PSTPIP2: variants seen among roughly 807,000 people sequenced by gnomAD.
PSTPIP2 encodes proline-serine-threonine phosphatase-interacting protein 2.
PSTPIP2 carries 33 observed loss-of-function variants against 63.3 expected under a neutral mutation model. The ratio of observed to expected loss-of-function variants is 0.52; its 90% CI spans 0.40 to 0.70. The LOEUF (loss-of-function observed/expected upper bound fraction) is 0.70, where lower values mean the gene tolerates loss of function less well. PSTPIP2 is among the 30% of genes least tolerant of loss of function. The pLI is 0.00. For synonymous variants in PSTPIP2, 125 were observed against 132.7 expected (o/e 0.94, Z 0.40); for missense variants, 312 against 400.7 (o/e 0.78, Z 1.89).
chr18:46,033,354 A>C (rs1907848976), intron 2 of PSTPIP2, among the ~76,000 whole-genome samples: 1 of 152,218 alleles, frequency 6.6e-6, no homozygotes, highest in Non-Finnish European at 1.5e-5. Flanking sequence ...AGATAAGGTC[A>C]TACTGGAGTA....
chr18:45,999,371 A>G, intron 7 of PSTPIP2, 65 bp downstream of exon 7: 1 of 1,429,352 alleles, frequency 7.0e-7, no homozygotes, highest in South Asian at 1.2e-5. Context: ...ATGAAGATTC[A>G]TAATTGGCTT....
intron 2 of PSTPIP2, among the ~76,000 whole-genome samples, chr18:46,027,889 G>A (rs180741661): frequency 2.0e-5 from 3 of 152,054 alleles, no homozygotes; most frequent in Admixed American, 6.5e-5. Flanking sequence ...GGCCGGGCAC[G>A]GTGGCTCACG....
intron 1 of PSTPIP2, among the ~76,000 whole-genome samples, chr18:46,063,177 A>T (rs1387043017): frequency 4.0e-5 from 6 of 151,780 alleles, no homozygotes; most frequent in South Asian, 2.1e-4. Flanking sequence ...TAATTTTAAA[A>T]TTTTTTTTGT....
chr18:46,050,345 G>A (rs370635156), intron 1 of PSTPIP2, among the ~76,000 whole-genome samples: 8 of 152,138 alleles, frequency 5.3e-5, no homozygotes, highest in Non-Finnish European at 8.8e-5. Context: ...CAAGGTGGGC[G>A]GTTCACTTGA....
intron 1 of PSTPIP2, among the ~76,000 whole-genome samples, chr18:46,054,285 T>C (rs566778388): frequency 1.3e-5 from 2 of 152,280 alleles, no homozygotes; most frequent in East Asian, 3.9e-4. Flanking sequence ...TGTCTACATA[T>C]GACATTCTAG....
At chr18:45,987,118 C>G (rs924208782) in intron 14 of PSTPIP2, among the ~76,000 whole-genome samples, 1 of 152,180 alleles carries the variant, frequency 6.6e-6, no homozygotes, top group Admixed American at 6.5e-5. Flanking sequence ...GGATTACAGG[C>G]GTGAGCCACT....
intron 7 of PSTPIP2, among the ~76,000 whole-genome samples, 160 bp downstream of exon 7, chr18:45,999,276 T>A (rs890839612): frequency 6.6e-6 from 1 of 152,120 alleles, no homozygotes; most frequent in East Asian, 1.9e-4. Context: ...CCCCCAAATA[T>A]GTGGCAGTGG....
At chr18:46,065,144 C>CAAAAA (rs35144990) in intron 1 of PSTPIP2, among the ~76,000 whole-genome samples, 510 of 79,364 alleles carry the variant, frequency 6.4e-3, no homozygotes, top group East Asian at 0.017. Context: ...AACTCTGTCT[C>CAAAAA]AAAAAAAAAA....
chr18:46,070,510 T>G (rs906884649), intron 1 of PSTPIP2, among the ~76,000 whole-genome samples: 3 of 152,216 alleles, frequency 2.0e-5, no homozygotes, highest in Non-Finnish European at 2.9e-5. Context: ...TGGTTGGGTT[T>G]GTTTGTTTGT....
At chr18:46,025,414 T>C (rs1169543467) in intron 2 of PSTPIP2, among the ~76,000 whole-genome samples, 1 of 152,158 alleles carries the variant, frequency 6.6e-6, no homozygotes, top group Non-Finnish European at 1.5e-5. Flanking sequence ...GCTCCACTGC[T>C]CTCCCCAGGG....
At chr18:46,015,081 G>T (rs2051839451) in intron 4 of PSTPIP2, among the ~76,000 whole-genome samples, 1 of 152,158 alleles carries the variant, frequency 6.6e-6, no homozygotes, top group Non-Finnish European at 1.5e-5. Flanking sequence ...ATGCACCACA[G>T]TGCTGAATGC....
At position 45,999,718 on chromosome 18, in the gene PSTPIP2, T is replaced by C. The variant is rs146078334; in HGVS notation, c.418-184A>G. Among the ~76,000 whole-genome samples the C allele has an allele frequency of 5.0e-3, 764 of 152,278 alleles. 11 individuals carry two copies. The highest frequency in any genetic ancestry group is 0.016 in the African/African-American group (670 of 41,540). ...TATCAGTCTTTGAAAGCTCACTCTC[T>C]CTCTCTAGCCCTTTTTCAAATTATG... On this transcript the variant is annotated intron_variant, in intron 6 of 14. Coordinates refer to ENST00000409746, the MANE Select transcript of PSTPIP2 (RefSeq NM_024430.4).
At position 46,003,440 on chromosome 18, in the gene PSTPIP2, G is replaced by A. The variant is rs940436929; in HGVS notation, c.417+2029C>T. On this transcript the variant is annotated intron_variant, in intron 6 of 14. Transcript: ENST00000409746. Reference sequence around the variant, plus strand: ...TCCACTTGGCCTTTGCTGATGTGTGGAGGTGGGTCCCCAGGTTTTTTACGT... The same window carrying A: ...TCCACTTGGCCTTTGCTGATGTGTGAAGGTGGGTCCCCAGGTTTTTTACGT... 2.0e-5 allele frequency among the ~76,000 whole-genome samples: 3 copies of A among 152,210 alleles called. No homozygotes were observed. In the East Asian group the frequency reaches 5.8e-4, roughly 29 times the overall value.
At chr18:46,043,295 G>A (rs1446002936) in intron 1 of PSTPIP2, among the ~76,000 whole-genome samples, 1 of 150,220 alleles carries the variant, frequency 6.7e-6, no homozygotes, top group Admixed American at 6.7e-5. Flanking sequence ...GGAGGCTAAG[G>A]CGGAAGGATT....
At chr18:45,991,573 G>A (rs1391421999) in intron 12 of PSTPIP2, among the ~76,000 whole-genome samples, 3 of 152,038 alleles carry the variant, frequency 2.0e-5, no homozygotes, top group African/African-American at 7.2e-5. Flanking sequence ...TAACTCACAG[G>A]CCCTATAAAA....
chr18:46,039,065 T>C (rs1908090135), intron 2 of PSTPIP2, among the ~76,000 whole-genome samples: 1 of 152,186 alleles, frequency 6.6e-6, no homozygotes, highest in South Asian at 2.1e-4. Flanking sequence ...TTGATGTCTG[T>C]ATCTCTGGGT....
chr18:46,040,238 A>G, intron 1 of PSTPIP2, 191 bp from the exon 2 acceptor site: 1 of 462,300 alleles, frequency 2.2e-6, no homozygotes, highest in Non-Finnish European at 3.8e-6. Context: ...AACATGTTTC[A>G]GTTCCTTCAA....
intron 5 of PSTPIP2, among the ~76,000 whole-genome samples, chr18:46,009,386 A>C (rs796492897): frequency 7.6e-6 from 1 of 131,722 alleles, no homozygotes; most frequent in Non-Finnish European, 1.6e-5. Context: ...AAAAAAAAAA[A>C]AAAAACCTAG....
At chr18:45,999,657 T>C (rs2051642169) in intron 6 of PSTPIP2, 123 bp from the exon 7 acceptor site, 3 of 876,052 alleles carry the variant, frequency 3.4e-6, no homozygotes, top group African/African-American at 1.7e-5. Flanking sequence ...TGATTGTCAC[T>C]AAGCCATGGG....
Sources: allele counts gnomAD v4.1 joint callset (sites outside exome capture counted in the v4.1 genomes callset), GRCh38; gene constraint gnomAD v4.1.1; transcripts MANE v1.5; gene names NCBI Gene and HGNC (gene_info 2026-07-23, HGNC 2026-07-21).